Variants in ALKBH1 observed in about 807,000 individuals in gnomAD.
ALKBH1 encodes alkB homolog 1, histone H2A dioxygenase, also known as nucleic acid dioxygenase ALKBH1.
In ALKBH1, 31 loss-of-function variants were observed where a neutral mutation model predicts 36.6. The observed-to-expected ratio is 0.85, with a 90% CI of 0.64 to 1.14. ALKBH1 has a LOEUF of 1.14. Ranked by LOEUF, ALKBH1 falls within the 50% of genes most tolerant of loss-of-function variation. The probability of loss-of-function intolerance (pLI) is 0.00; values close to 1 mark genes in which losing one functional copy is unlikely to be tolerated. For synonymous variants in ALKBH1, 183 were observed against 186.6 expected (o/e 0.98, Z 0.16); for missense variants, 490 against 497.3 (o/e 0.99, Z 0.14).
chr14:77,682,382 T>C (rs1359659594), intron 3 of ALKBH1, among the ~76,000 whole-genome samples: 1 of 152,142 alleles, frequency 6.6e-6, no homozygotes, highest in Non-Finnish European at 1.5e-5. Context: ...GACTTTGTGG[T>C]TAATGGAAAT....
chr14:77,675,655 C>A lies in ALKBH1; in HGVS notation c.740+1G>T. ...ATCCCAAATCCCTGGAACTAACTCA[C>A]CTGAATGACAGCAAGGGTTTGGAGT... On this transcript the variant is annotated splice_donor_variant, in intron 5 of 5. Coordinates refer to ENST00000216489, the MANE Select transcript of ALKBH1 (RefSeq NM_006020.3). LOFTEE classifies it high-confidence loss of function. 2 of 1,597,700 alleles carry A rather than the reference C, an allele frequency of 1.3e-6. No homozygotes were observed. The highest frequency in any genetic ancestry group is 1.1e-5 in the South Asian group (1 of 89,346).
Position 77,694,911 on chromosome 14 carries a change from G to C in ALKBH1, c.293-11C>G. ...GGATAAAAATAAACCCTATACAAAA[G>C]ATGGGTGGGAAAAAAAGAAGAGGGG... is the stretch of plus-strand genomic sequence containing the variant. On this transcript the variant is annotated splice_polypyrimidine_tract_variant and intron_variant, in intron 2 of 5. Transcript: ENST00000216489. 1 of 1,480,706 alleles carries C rather than the reference G, an allele frequency of 6.8e-7. No homozygotes were observed. The highest frequency in any genetic ancestry group is 9.0e-7 in the Non-Finnish European group (1 of 1,115,132). The allele number at this position is 1,480,706 out of a possible 1,614,324, so 91.7% of individuals were successfully genotyped here.
At chr14:77,676,920 G>C (rs1285771989) in intron 4 of ALKBH1, among the ~76,000 whole-genome samples, 2 of 152,124 alleles carry the variant, frequency 1.3e-5, no homozygotes, top group Non-Finnish European at 1.5e-5. Flanking sequence ...GCATGGCCAA[G>C]ATAGGCCTTT....
chr14:77,706,626 T>TA (rs2080392896), intron 1 of ALKBH1, among the ~76,000 whole-genome samples: 1 of 152,224 alleles, frequency 6.6e-6, no homozygotes, highest in Non-Finnish European at 1.5e-5. Flanking sequence ...GGTCCTGTAC[T>TA]AGACACATAA....
chr14:77,699,683 A>T (rs1250299653), intron 2 of ALKBH1, among the ~76,000 whole-genome samples: 2 of 152,210 alleles, frequency 1.3e-5, no homozygotes, highest in Non-Finnish European at 2.9e-5. Flanking sequence ...TACGACAAAC[A>T]GAGTTGGATT....
At chr14:77,702,429 T>C (rs1010062145) in intron 2 of ALKBH1, among the ~76,000 whole-genome samples, 1 of 152,120 alleles carries the variant, frequency 6.6e-6, no homozygotes, top group African/African-American at 2.4e-5. Flanking sequence ...GGCTGTTATA[T>C]CTTCCCAAGC....
rs2139855308 is a variant in ALKBH1, at chr14:77,690,933, C to T, written c.455+3805G>A. ...TCTCCGGCCTCTGCCTCCTGAGTAG[C>T]TGGGATTATAGGCATGCGCCACCAT... On this transcript the variant is annotated intron_variant, in intron 3 of 5. Transcript: ENST00000216489. 2.0e-5 allele frequency among the ~76,000 whole-genome samples: 3 copies of T among 152,254 alleles called. No individual in the cohort carries two copies. The South Asian group carries it at 6.2e-4, about 32-fold the overall frequency.
chr14:77,707,677 G>T, intron 1 of ALKBH1, 145 bp downstream of exon 1: 1 of 837,776 alleles, frequency 1.2e-6, no homozygotes, highest in South Asian at 2.6e-5. Flanking sequence ...CGGTTAGTGG[G>T]GAGTTCGACT....
At chr14:77,689,256 G>A (rs897430078) in intron 3 of ALKBH1, among the ~76,000 whole-genome samples, 8 of 151,858 alleles carry the variant, frequency 5.3e-5, no homozygotes, top group Admixed American at 5.2e-4. Flanking sequence ...TTCCTATATC[G>A]TGCCCCCAAA....
intron 2 of ALKBH1, among the ~76,000 whole-genome samples, chr14:77,695,967 C>T (rs931299605): frequency 6.6e-6 from 1 of 152,074 alleles, no homozygotes; most frequent in Admixed American, 6.5e-5. Context: ...TGGCACGCAC[C>T]TGTAATCCCA....
At chr14:77,704,198 C>T (rs187870850) in intron 2 of ALKBH1, among the ~76,000 whole-genome samples, 171 bp downstream of exon 2, 8 of 152,238 alleles carry the variant, frequency 5.3e-5, no homozygotes, top group East Asian at 1.9e-4. Flanking sequence ...CCTTTCAAAA[C>T]GGACGTCTTA....
chr14:77,694,643 G>GT lies in ALKBH1; in HGVS notation c.455+94dup, dbSNP rs1595055965. On this transcript the variant is annotated intron_variant, in intron 3 of 5. Coordinates refer to ENST00000216489, the MANE Select transcript of ALKBH1 (RefSeq NM_006020.3). ...ATGAAGGGAAAAAAAAACCCAGCCA[G>GT]TCACTTTTACTGCATTGTTATAGAA... 66 of 1,057,996 alleles carry GT rather than the reference G, an allele frequency of 6.2e-5. No homozygotes were observed. The East Asian group carries it at 1.9e-3, about 30-fold the overall frequency. The allele number at this position is 1,057,996 out of a possible 1,614,324, so 65.5% of individuals were successfully genotyped here. A position where few individuals can be genotyped will look rare whatever the true frequency, so the allele number is the denominator to read the frequency against.
chr14:77,704,247 T>G, intron 2 of ALKBH1, 122 bp downstream of exon 2: 3 of 735,114 alleles, frequency 4.1e-6, no homozygotes, highest in Non-Finnish European at 7.0e-6. Flanking sequence ...AAATGAAACA[T>G]TTATCTGTTT....
chr14:77,681,340 G>C (rs1306614056), intron 3 of ALKBH1, among the ~76,000 whole-genome samples: 2 of 152,168 alleles, frequency 1.3e-5, no homozygotes, highest in South Asian at 4.1e-4. Context: ...GCAGAGTTGG[G>C]AGTTGAGCAC....
intron 1 of ALKBH1, 85 bp from the exon 2 acceptor site, chr14:77,704,562 T>C (rs922308404): frequency 2.9e-5 from 28 of 968,992 alleles, no homozygotes; most frequent in Non-Finnish European, 4.6e-5. Flanking sequence ...ACACATTTCT[T>C]GTATGAGGCA....
At position 77,674,258 on chromosome 14, in the gene ALKBH1, AAAACAC is replaced by A; in HGVS notation, c.741-23_741-18del. On this transcript the variant is annotated intron_variant, in intron 5 of 5. Coordinates refer to ENST00000216489, the MANE Select transcript of ALKBH1 (RefSeq NM_006020.3). ...TGTCCAAAGCTACAAAAAATAAGTA[AAAACAC>A]ACAACAATAAAAAAGTATAAATTTT... 1 of 1,534,662 alleles carries A rather than the reference AAAACAC, an allele frequency of 6.5e-7. No individual in the cohort carries two copies. The highest frequency in any genetic ancestry group is 8.8e-7 in the Non-Finnish European group (1 of 1,142,484).
At position 77,672,848 on chromosome 14, in the gene ALKBH1, A is replaced by G. The variant is rs1337276409; in HGVS notation, c.*964T>C. On this transcript the variant is annotated 3_prime_UTR_variant, in exon 6 of 6. Transcript: ENST00000216489. ...TTTTCCAAGCTGCCTACCCTCAGAC[A>G]ATAACAGCAGTGACTGGAATATTAA... is the stretch of plus-strand genomic sequence containing the variant. 1 of 152,212 alleles carries G rather than the reference A, an allele frequency of 6.6e-6. No homozygotes were observed. The highest frequency in any genetic ancestry group is 1.5e-5 in the Non-Finnish European group (1 of 68,038). The allele number at this position is 152,212 out of a possible 1,614,324, so 9.4% of individuals were successfully genotyped here.
intron 1 of ALKBH1, 103 bp downstream of exon 1, chr14:77,707,719 T>A: frequency 7.4e-7 from 1 of 1,348,904 alleles, no homozygotes; most frequent in Non-Finnish European, 1.0e-6. Flanking sequence ...AATCGTTCAA[T>A]AACAATCGGT....
intron 3 of ALKBH1, among the ~76,000 whole-genome samples, chr14:77,688,700 T>C (rs1245379468): frequency 1.3e-5 from 2 of 151,960 alleles, no homozygotes; most frequent in African/African-American, 4.8e-5. Context: ...GCTTCCCTAG[T>C]AGCTGGGATT....
Sources: allele counts gnomAD v4.1 joint callset (sites outside exome capture counted in the v4.1 genomes callset), GRCh38; gene constraint gnomAD v4.1.1; transcripts MANE v1.5; gene names NCBI Gene and HGNC (gene_info 2026-07-23, HGNC 2026-07-21).